The following PVT1 variants were observed in gnomAD, a reference collection of about 807,000 sequenced individuals.
The protein encoded by PVT1 is Pvt1 oncogene, also known as CXCR4/PVT1 fusion.
intron 4 of PVT1, among the ~76,000 whole-genome samples, chr8:128,042,379 G>A (rs976867110): frequency 6.6e-6 from 1 of 152,214 alleles, no homozygotes; most frequent in Non-Finnish European, 1.5e-5. Flanking sequence ...TATTGAGCAA[G>A]AGTCCTCCTG....
intron 4 of PVT1, among the ~76,000 whole-genome samples, chr8:128,010,982 T>A (rs1032603987): frequency 4.6e-5 from 7 of 152,244 alleles, no homozygotes; most frequent in African/African-American, 1.7e-4. Context: ...TCTTAATCTC[T>A]AGAATAAAAT....
At chr8:127,829,563 T>C (rs1220022779) in intron 2 of PVT1, among the ~76,000 whole-genome samples, 1 of 152,210 alleles carries the variant, frequency 6.6e-6, no homozygotes, top group East Asian at 1.9e-4. Flanking sequence ...GGGTGGCTGC[T>C]CAGCCCAATG....
intron 3 of PVT1, among the ~76,000 whole-genome samples, chr8:127,940,791 G>A (rs1586446646): frequency 6.6e-6 from 1 of 152,014 alleles, no homozygotes; most frequent in Non-Finnish European, 1.5e-5. Context: ...TTGTAGAGAC[G>A]AGGTCTCACT....
chr8:128,034,062 CTT>C (rs79313778), intron 4 of PVT1, among the ~76,000 whole-genome samples: 36 of 140,692 alleles, frequency 2.6e-4, no homozygotes, highest in Non-Finnish European at 3.3e-4. Flanking sequence ...ACTTCTGCAC[CTT>C]TTTTTTTTTT....
At chr8:127,860,770 A>AG (rs1223298524) in intron 2 of PVT1, among the ~76,000 whole-genome samples, 1 of 133,612 alleles carries the variant, frequency 7.5e-6, no homozygotes, top group Admixed American at 7.4e-5. Context: ...ATCTCAAAAA[A>AG]AAAAAAAAAA....
At chr8:128,079,108 T>G (rs1285573626) in intron 5 of PVT1, among the ~76,000 whole-genome samples, 2 of 152,160 alleles carry the variant, frequency 1.3e-5, no homozygotes, top group Non-Finnish European at 2.9e-5. Context: ...CTGTAACCTT[T>G]TCAACTACCA....
At chr8:128,032,695 T>C (rs1284642514) in intron 4 of PVT1, among the ~76,000 whole-genome samples, 1 of 152,184 alleles carries the variant, frequency 6.6e-6, no homozygotes, top group African/African-American at 2.4e-5. Flanking sequence ...ACTGCCTCCA[T>C]GTCTAGGGTG....
intron 3 of PVT1, among the ~76,000 whole-genome samples, chr8:127,936,261 G>A (rs199589358): frequency 1.3e-5 from 2 of 151,520 alleles, no homozygotes; most frequent in African/African-American, 2.4e-5. Context: ...CATGTTGGTC[G>A]GGCTGGTCTC....
intron 2 of PVT1, among the ~76,000 whole-genome samples, chr8:127,874,318 G>A (rs1206546017): frequency 6.6e-6 from 1 of 152,180 alleles, no homozygotes. Context: ...CACAGAGGAG[G>A]AGAAGGGCTT....
intron 3 of PVT1, among the ~76,000 whole-genome samples, chr8:127,935,359 C>T (rs1029191255): frequency 6.6e-6 from 1 of 152,022 alleles, no homozygotes; most frequent in Non-Finnish European, 1.5e-5. Context: ...CAGCAGGCAT[C>T]ACAAGGGGTT....
chr8:127,878,302 G>A (rs767222664), intron 2 of PVT1, among the ~76,000 whole-genome samples: 1 of 152,184 alleles, frequency 6.6e-6, no homozygotes, highest in African/African-American at 2.4e-5. Flanking sequence ...GAGAGTGGAG[G>A]TGAGCCTGAT....
At chr8:127,813,425 G>C (rs1031981977) in intron 2 of PVT1, among the ~76,000 whole-genome samples, 2 of 152,068 alleles carry the variant, frequency 1.3e-5, no homozygotes, top group Non-Finnish European at 2.9e-5. Flanking sequence ...AGAAAAGTGT[G>C]CAAACATCAT....
chr8:128,073,262 G>A (rs185676098), intron 5 of PVT1, among the ~76,000 whole-genome samples: 108 of 152,262 alleles, frequency 7.1e-4, no homozygotes, highest in Non-Finnish European at 1.4e-3. Context: ...AGATTTCCTT[G>A]GGAGCACGTT....
chr8:127,973,866 G>A (rs1816791953), intron 3 of PVT1, among the ~76,000 whole-genome samples: 1 of 151,860 alleles, frequency 6.6e-6, no homozygotes, highest in Admixed American at 6.6e-5. Flanking sequence ...TGTAGTCCCA[G>A]CTACTCGGGA....
intron 2 of PVT1, among the ~76,000 whole-genome samples, chr8:127,831,559 G>A (rs1814851032): frequency 6.6e-6 from 1 of 152,174 alleles, no homozygotes; most frequent in South Asian, 2.1e-4. Context: ...ATCCATGGGA[G>A]TGGAGTATAG....
At chr8:128,085,809 C>A (rs563036629) in intron 5 of PVT1, among the ~76,000 whole-genome samples, 1 of 152,182 alleles carries the variant, frequency 6.6e-6, no homozygotes, top group Non-Finnish European at 1.5e-5. Flanking sequence ...GATTTAAAGA[C>A]TGATTAACAT....
chr8:127,918,241 A>C (rs1282817535), intron 3 of PVT1, among the ~76,000 whole-genome samples: 1 of 152,180 alleles, frequency 6.6e-6, no homozygotes, highest in Admixed American at 6.5e-5. Flanking sequence ...AGTGGAGACA[A>C]GTCCTGACTT....
At chr8:128,050,346 C>G (rs1299131278) in intron 4 of PVT1, among the ~76,000 whole-genome samples, 1 of 152,180 alleles carries the variant, frequency 6.6e-6, no homozygotes, top group African/African-American at 2.4e-5. Flanking sequence ...ATGTCCCTGT[C>G]CAACTCAAAA....
rs1203803071 is a variant in PVT1, at chr8:127,915,349, C to G, written n.782+24351C>G. ...TGTGGGCCAGGCTCAGTGGCTCACACCTGTAATCCCAGCACTTTGGGAGGC... is the reference window on the plus strand; with the variant it reads ...TGTGGGCCAGGCTCAGTGGCTCACAGCTGTAATCCCAGCACTTTGGGAGGC... On this transcript the variant is annotated intron_variant and non_coding_transcript_variant, in intron 3 of 10. Transcript: ENST00000651587. Among the ~76,000 whole-genome samples the G allele has an allele frequency of 3.9e-5, 6 of 151,946 alleles. No individual in the cohort carries two copies. In the South Asian group the frequency reaches 1.2e-3, roughly 32 times the overall value.
Sources: gnomAD v4.1 joint callset for allele counts (sites outside exome capture counted in the v4.1 genomes callset) on GRCh38, gnomAD v4.1.1 for gene constraint, MANE v1.5 for transcripts, NCBI Gene and HGNC (gene_info 2026-07-23, HGNC 2026-07-21) for gene names.